The following PKP4 variants were observed in gnomAD, a reference collection of about 807,000 sequenced individuals.
PKP4 encodes the protein plakophilin 4.
PKP4 carries 90 observed loss-of-function variants against 145.1 expected under a neutral mutation model. The observed-to-expected ratio is 0.62, with a 90% CI of 0.52 to 0.74. PKP4 has a LOEUF of 0.74. PKP4 is among the 30% of genes least tolerant of loss of function. The pLI, the probability that PKP4 is intolerant of heterozygous loss-of-function variation, is 0.00. For synonymous variants in PKP4, 563 were observed against 577.2 expected, an observed-to-expected ratio of 0.98 and a Z score of 0.35; for missense variants, 1,340 against 1,482.7, an observed-to-expected ratio of 0.90 and a Z score of 1.58.
intron 3 of PKP4, among the ~76,000 whole-genome samples, chr2:158,591,516 A>T (rs2049275453): frequency 6.6e-6 from 1 of 152,094 alleles, no homozygotes; most frequent in Non-Finnish European, 1.5e-5. Context: ...CTGGGTAATA[A>T]ATACAAAGAG....
At position 158,465,427 on chromosome 2, in the gene PKP4, A is replaced by G. The variant is rs187534492; in HGVS notation, c.-6+8209A>G. On this transcript the variant is annotated intron_variant, in intron 1 of 21. Coordinates refer to ENST00000389759, the MANE Select transcript of PKP4 (RefSeq NM_003628.6). ...GCTGTATCTCTTGAAACACTTTACC[A>G]TATAGCCTATGTGAAATAATTAATC... is the stretch of plus-strand genomic sequence containing the variant. Among the ~76,000 whole-genome samples, 223 of 152,316 alleles carry G rather than the reference A, an allele frequency of 1.5e-3. 1 individual carries two copies. The highest frequency in any genetic ancestry group is 4.9e-3 in the African/African-American group (205 of 41,576).
At chr2:158,653,516 TTA>T (rs1416395152) in intron 11 of PKP4, among the ~76,000 whole-genome samples, 4 of 152,208 alleles carry the variant, frequency 2.6e-5, no homozygotes, top group African/African-American at 9.6e-5. Flanking sequence ...TTACTCATAA[TTA>T]TATGTACTTG....
At position 158,555,959 on chromosome 2, in the gene PKP4, A is replaced by G. The variant is rs1379357816; in HGVS notation, c.133-21312A>G. ...GGTCACTGCTGATCTAACTCAAGAT[A>G]CTTTAAAACTCTTGATCAAATTCTA... is the stretch of plus-strand genomic sequence containing the variant. On this transcript the variant is annotated intron_variant, in intron 2 of 21. Coordinates refer to ENST00000389759, the MANE Select transcript of PKP4 (RefSeq NM_003628.6). 3.9e-5 allele frequency among the ~76,000 whole-genome samples: 6 copies of G among 152,226 alleles called. No homozygotes were observed. In the South Asian group the frequency reaches 6.2e-4, roughly 16 times the overall value.
intron 1 of PKP4, among the ~76,000 whole-genome samples, chr2:158,474,599 T>G (rs548669994): frequency 5.3e-5 from 8 of 152,176 alleles, no homozygotes; most frequent in Non-Finnish European, 1.2e-4. Flanking sequence ...AAATGAAAAT[T>G]TACTGCCTGT....
chr2:158,627,258 T>G (rs11893227), intron 7 of PKP4, among the ~76,000 whole-genome samples: 11,391 of 152,202 alleles, frequency 0.075, 488 homozygotes, highest in South Asian at 0.11. Flanking sequence ...TTCTGAGGAC[T>G]TCCATATTCC....
intron 1 of PKP4, among the ~76,000 whole-genome samples, chr2:158,494,985 G>A (rs1177836769): frequency 6.6e-6 from 1 of 151,922 alleles, no homozygotes; most frequent in Admixed American, 6.6e-5. Context: ...TCAGGAGGCC[G>A]AGGCAGGCGG....
chr2:158,649,956 G>A (rs2055199237), intron 11 of PKP4, among the ~76,000 whole-genome samples: 1 of 152,236 alleles, frequency 6.6e-6, no homozygotes, highest in South Asian at 2.1e-4. Context: ...ATCTAGTGCA[G>A]TTACAGATGA....
intron 1 of PKP4, among the ~76,000 whole-genome samples, chr2:158,509,044 T>C (rs1004747022): frequency 6.6e-6 from 1 of 152,154 alleles, no homozygotes; most frequent in African/African-American, 2.4e-5. Flanking sequence ...AATTATAGTT[T>C]ATGGTCTTCA....
At chr2:158,598,141 G>C (rs1302292749) in intron 3 of PKP4, among the ~76,000 whole-genome samples, 1 of 152,162 alleles carries the variant, frequency 6.6e-6, no homozygotes, top group Non-Finnish European at 1.5e-5. Flanking sequence ...TTTAAATAAA[G>C]CAGTAAATTT....
At chr2:158,529,828 A>T (rs886721565) in intron 1 of PKP4, among the ~76,000 whole-genome samples, 1 of 152,140 alleles carries the variant, frequency 6.6e-6, no homozygotes, top group African/African-American at 2.4e-5. Flanking sequence ...GTGTAGCAGT[A>T]TATTTTTTGT....
chr2:158,640,578 T>C lies in PKP4; in HGVS notation c.1563-49T>C, dbSNP rs780755011. ...TATACCAAGTGTTTTTTTCAGTGTA[T>C]TTTTACAACATGGGCCTTCCTTTCT... On this transcript the variant is annotated intron_variant, in intron 9 of 21. Transcript: ENST00000389759. The C allele has an allele frequency of 2.8e-5, 44 of 1,598,396 alleles. No individual in the cohort carries two copies. In the East Asian group the frequency reaches 9.8e-4, roughly 36 times the overall value.
At chr2:158,470,534 A>G (rs922914716) in intron 1 of PKP4, among the ~76,000 whole-genome samples, 2 of 152,238 alleles carry the variant, frequency 1.3e-5, no homozygotes, top group African/African-American at 4.8e-5. Flanking sequence ...GACAACAAGA[A>G]CAAAAAACAC....
At chr2:158,613,170 C>G (rs968187344) in intron 4 of PKP4, among the ~76,000 whole-genome samples, 2 of 152,140 alleles carry the variant, frequency 1.3e-5, no homozygotes, top group African/African-American at 4.8e-5. Flanking sequence ...AGTTGGGAAC[C>G]AGGCGTCAGT....
intron 1 of PKP4, among the ~76,000 whole-genome samples, chr2:158,484,109 G>T (rs1052028888): frequency 6.7e-6 from 1 of 148,590 alleles, no homozygotes; most frequent in African/African-American, 2.5e-5. Flanking sequence ...TGGCAGTGGC[G>T]CAATCTCGGC....
At chr2:158,590,255 T>G (rs2049138948) in intron 3 of PKP4, among the ~76,000 whole-genome samples, 2 of 151,608 alleles carry the variant, frequency 1.3e-5, no homozygotes, top group African/African-American at 4.8e-5. Flanking sequence ...TTTTAACCAC[T>G]GTCAAATGTT....
At chr2:158,507,689 G>T (rs528082454) in intron 1 of PKP4, among the ~76,000 whole-genome samples, 34 of 152,242 alleles carry the variant, frequency 2.2e-4, no homozygotes, top group Non-Finnish European at 4.0e-4. Flanking sequence ...TAACATTGAT[G>T]TCTTGCTCAA....
chr2:158,650,492 C>T (rs989700849), intron 11 of PKP4, among the ~76,000 whole-genome samples: 1 of 152,180 alleles, frequency 6.6e-6, no homozygotes, highest in Non-Finnish European at 1.5e-5. Context: ...ATCGCAGAGA[C>T]TCGGGCTAAC....
chr2:158,621,154 G>A (rs765476117), intron 5 of PKP4, 33 bp downstream of exon 5: 2 of 1,613,712 alleles, frequency 1.2e-6, no homozygotes, highest in Non-Finnish European at 8.5e-7. Flanking sequence ...TACTGGATTT[G>A]CTTTTAAGAT....
intron 1 of PKP4, among the ~76,000 whole-genome samples, chr2:158,464,597 A>G (rs1427591717): frequency 6.6e-6 from 1 of 152,264 alleles, no homozygotes; most frequent in African/African-American, 2.4e-5. Flanking sequence ...TAATTATACT[A>G]CTATTGTATG....
Sources: allele counts gnomAD v4.1 joint callset (sites outside exome capture counted in the v4.1 genomes callset), GRCh38; gene constraint gnomAD v4.1.1; transcripts MANE v1.5; gene names NCBI Gene and HGNC (gene_info 2026-07-23, HGNC 2026-07-21).